RBFOX1: variants seen among roughly 807,000 people sequenced by gnomAD.
RBFOX1 encodes the protein RNA binding protein fox-1 homolog 1.
Under a neutral mutation model 57.7 loss-of-function variants are expected in RBFOX1, and 8 were observed. The observed-to-expected ratio is 0.14, with a 90% CI of 0.08 to 0.25. The LOEUF (loss-of-function observed/expected upper bound fraction) is 0.25. Ranked by LOEUF, RBFOX1 falls within the 10% of genes least tolerant of loss-of-function variation. The pLI, the probability that RBFOX1 is intolerant of heterozygous loss-of-function variation, is 1.00. For synonymous variants in RBFOX1, 326 were observed against 222.4 expected, an observed-to-expected ratio of 1.47 and a Z score of -4.15; for missense variants, 611 against 548.5, an observed-to-expected ratio of 1.11 and a Z score of -1.14.
intron 2 of RBFOX1, among the ~76,000 whole-genome samples, chr16:6,523,856 T>C (rs1366388952): frequency 6.6e-6 from 1 of 152,146 alleles, no homozygotes; most frequent in Non-Finnish European, 1.5e-5. Context: ...GCTACCACAG[T>C]TTTTTATATT....
At chr16:7,705,484 A>AGGTG (rs1204451771) in intron 14 of RBFOX1, among the ~76,000 whole-genome samples, 1 of 152,192 alleles carries the variant, frequency 6.6e-6, no homozygotes, top group Non-Finnish European at 1.5e-5. Context: ...CAGCCTTAGC[A>AGGTG]ACAGAGCAAG....
Position 6,683,691 on chromosome 16 carries a change from C to T in RBFOX1, c.-16+29041C>T, listed in dbSNP as rs541762741. Among the ~76,000 whole-genome samples, 10 of 152,256 alleles carry T rather than the reference C, an allele frequency of 6.6e-5. No individual in the cohort carries two copies. The South Asian group carries it at 1.9e-3, about 28-fold the overall frequency. The stretch of plus-strand genomic sequence containing the variant: ...GCGAAAGCAAGCCCTCAGATCTGCA[C>T]ACCCTAGTCTAAGTACAGCAGGGTG... On this transcript the variant is annotated intron_variant, in intron 3 of 15. Coordinates refer to ENST00000550418, the MANE Select transcript of RBFOX1 (RefSeq NM_018723.4).
chr16:5,365,824 GC>G, intron 1 of RBFOX1: 1 of 517,448 alleles, frequency 1.9e-6, no homozygotes. Flanking sequence ...ATGGACATGA[GC>G]CCCCTGAGGC....
intron 3 of RBFOX1, among the ~76,000 whole-genome samples, chr16:5,846,917 C>A (rs768818814): frequency 1.2e-4 from 19 of 152,152 alleles, no homozygotes; most frequent in Non-Finnish European, 2.9e-5. Context: ...GCATTATTAG[C>A]CTATAAATCA....
chr16:7,283,775 C>G (rs954184003), intron 4 of RBFOX1, among the ~76,000 whole-genome samples: 11 of 152,146 alleles, frequency 7.2e-5, no homozygotes, highest in East Asian at 1.9e-4. Flanking sequence ...ATCATTGCAT[C>G]AAAGTCAGGT....
At chr16:5,987,181 A>G (rs1029440238) in intron 4 of RBFOX1, among the ~76,000 whole-genome samples, 2 of 152,022 alleles carry the variant, frequency 1.3e-5, no homozygotes, top group African/African-American at 2.4e-5. Context: ...TTTTTATTGA[A>G]TTGTTTGTTC....
chr16:5,635,958 C>T (rs542476657), intron 3 of RBFOX1, among the ~76,000 whole-genome samples: 55 of 152,256 alleles, frequency 3.6e-4, no homozygotes, highest in Non-Finnish European at 6.6e-4. Context: ...CCTGTAATCC[C>T]AGCAATTTTG....
At chr16:6,685,383 C>T (rs952400561) in intron 3 of RBFOX1, among the ~76,000 whole-genome samples, 1 of 146,270 alleles carries the variant, frequency 6.8e-6, no homozygotes, top group East Asian at 2.0e-4. Context: ...TCAAGCAATT[C>T]TCTTGCCTCA....
rs547479931 is a variant in RBFOX1, at chr16:6,092,320, C to G, written c.-127+72328C>G. On this transcript the variant is annotated intron_variant, in intron 1 of 15. Transcript: ENST00000550418. Reference sequence around the variant, plus strand: ...TATCCCCACCCTGAGGATGGTGAAACTGAGAGACAGCAACCATGGGAACAC... The same window carrying G: ...TATCCCCACCCTGAGGATGGTGAAAGTGAGAGACAGCAACCATGGGAACAC... 3.9e-5 allele frequency: 6 copies of G among 152,324 alleles called. No homozygotes were observed. In the East Asian group the frequency reaches 5.8e-4, roughly 15 times the overall value. 9.4% of individuals were successfully genotyped at this position (152,324 alleles called of 1,614,324 possible). A position where few individuals can be genotyped will look rare whatever the true frequency, so the allele number is the denominator to read the frequency against.
chr16:6,325,874 C>T (rs560144707), intron 2 of RBFOX1, among the ~76,000 whole-genome samples: 1 of 152,144 alleles, frequency 6.6e-6, no homozygotes, highest in Non-Finnish European at 1.5e-5. Flanking sequence ...ATTTGCAGAT[C>T]CTTGCTTCAG....
intron 11 of RBFOX1, among the ~76,000 whole-genome samples, chr16:7,630,918 G>T (rs1051899762): frequency 1.3e-5 from 2 of 152,190 alleles, no homozygotes. Flanking sequence ...GTGGGCATGG[G>T]GTTGGTGGGG....
At chr16:6,597,400 G>A (rs1010499139) in intron 2 of RBFOX1, among the ~76,000 whole-genome samples, 20 of 151,966 alleles carry the variant, frequency 1.3e-4, no homozygotes, top group African/African-American at 4.3e-4. Context: ...CCAACCAGGC[G>A]CGGTGGCTCA....
chr16:7,647,616 C>G (rs1261671108), intron 11 of RBFOX1, among the ~76,000 whole-genome samples: 1 of 151,808 alleles, frequency 6.6e-6, no homozygotes, highest in Non-Finnish European at 1.5e-5. Context: ...TCTTTTTCCC[C>G]TAACATTGTT....
chr16:7,394,009 G>C (rs1462097754), intron 4 of RBFOX1, among the ~76,000 whole-genome samples: 1 of 152,054 alleles, frequency 6.6e-6, no homozygotes, highest in African/African-American at 2.4e-5. Flanking sequence ...TCCAAGGTGG[G>C]CAGATCACCT....
chr16:5,875,597 A>G (rs1367322054), intron 4 of RBFOX1, among the ~76,000 whole-genome samples: 1 of 152,166 alleles, frequency 6.6e-6, no homozygotes, highest in Non-Finnish European at 1.5e-5. Context: ...GGTTACTTTT[A>G]TTAGTGTGCT....
intron 4 of RBFOX1, among the ~76,000 whole-genome samples, chr16:7,186,021 C>G (rs986550048): frequency 1.3e-5 from 2 of 152,076 alleles, no homozygotes; most frequent in African/African-American, 2.4e-5. Flanking sequence ...GGCACACAGA[C>G]AGGTTCAGCG....
chr16:5,969,480 T>TTC (rs2059920400), intron 4 of RBFOX1, among the ~76,000 whole-genome samples: 1 of 145,136 alleles, frequency 6.9e-6, no homozygotes, highest in East Asian at 2.0e-4. Context: ...CCTGGCTATT[T>TTC]TTTTTTTTTT....
At chr16:6,906,958 A>C (rs1440948873) in intron 3 of RBFOX1, among the ~76,000 whole-genome samples, 1 of 152,112 alleles carries the variant, frequency 6.6e-6, no homozygotes, top group African/African-American at 2.4e-5. Context: ...TCCTGACCTT[A>C]AGTGATCAGC....
At chr16:5,989,256 G>A (rs1022226444) in intron 4 of RBFOX1, among the ~76,000 whole-genome samples, 43 of 152,072 alleles carry the variant, frequency 2.8e-4, no homozygotes, top group African/African-American at 9.9e-4. Context: ...GTGTGAACCC[G>A]GGAGGCGGAG....
Sources: gnomAD v4.1 joint callset for allele counts (sites outside exome capture counted in the v4.1 genomes callset) on GRCh38, gnomAD v4.1.1 for gene constraint, MANE v1.5 for transcripts, NCBI Gene and HGNC (gene_info 2026-07-23, HGNC 2026-07-21) for gene names.